The following ZMIZ1 variants were observed in gnomAD, a reference collection of about 807,000 sequenced individuals.
ZMIZ1 encodes the protein zinc finger MIZ domain-containing protein 1.
In ZMIZ1, 17 loss-of-function variants were observed where a neutral mutation model predicts 113.9. That is an observed-to-expected ratio of 0.15 (90% CI 0.10 to 0.22). The LOEUF is 0.22. Among genes scored for constraint, ZMIZ1 ranks in the 10% least tolerant of loss-of-function variants. The pLI, the probability that ZMIZ1 is intolerant of heterozygous loss-of-function variation, is 1.00. For synonymous variants in ZMIZ1, 607 were observed against 603.1 expected (o/e 1.01, Z -0.09); for missense variants, 1,059 against 1,477.8 (o/e 0.72, Z 4.65).
chr10:79,284,576 G>A (rs1852944368), intron 8 of ZMIZ1, among the ~76,000 whole-genome samples: 1 of 152,212 alleles, frequency 6.6e-6, no homozygotes, highest in Non-Finnish European at 1.5e-5. Context: ...GGAGAGAAAG[G>A]TGTAAGTACA....
chr10:79,200,593 G>A (rs1230508590), intron 4 of ZMIZ1, among the ~76,000 whole-genome samples: 1 of 152,214 alleles, frequency 6.6e-6, no homozygotes, highest in Non-Finnish European at 1.5e-5. Context: ...CTGGCAGTCA[G>A]GAACCCTGGC....
At chr10:79,305,291 C>T in intron 20 of ZMIZ1, 60 bp downstream of exon 20, 1 of 1,557,984 alleles carries the variant, frequency 6.4e-7, no homozygotes, top group South Asian at 1.1e-5. Flanking sequence ...ACGGGAGGGG[C>T]CAGCTACCTC....
intron 2 of ZMIZ1, among the ~76,000 whole-genome samples, chr10:79,137,645 G>A (rs1845062937): frequency 6.6e-6 from 1 of 152,190 alleles, no homozygotes; most frequent in African/African-American, 2.4e-5. Flanking sequence ...GACCCAGAAT[G>A]GTCCTTGCCC....
intron 1 of ZMIZ1, among the ~76,000 whole-genome samples, chr10:79,099,082 AC>A: frequency 6.6e-6 from 1 of 152,176 alleles, no homozygotes; most frequent in East Asian, 1.9e-4. Context: ...AGGTCCTGAG[AC>A]CCAGCAAGGC....
In ZMIZ1 at chr10:79,291,083, A is replaced by C; in HGVS notation, c.665A>C (p.Gln222Pro). Residue 222 changes from glutamine (Q) to proline (P), a missense_variant, in exon 10 of 25, where the codon CAG (glutamine) becomes CCG (proline). Gln to Pro is a moderately conservative substitution (Grantham distance 76). Transcript: ENST00000334512. ...CCACAGTTTGCGGGGCAGCAGCAGCAGTTCTCAGCCAAGGCTGGCCCCGCT... is the reference window on the plus strand; with the variant it reads ...CCACAGTTTGCGGGGCAGCAGCAGCCGTTCTCAGCCAAGGCTGGCCCCGCT... ...NSPQFAGQQQ[Q>P]FSAKAGPAQP... is the part of the protein sequence containing the mutation. 2 of 1,614,250 alleles carry C rather than the reference A, an allele frequency of 1.2e-6. No homozygotes were observed. Among genetic ancestry groups the C allele is most frequent in the Non-Finnish European group, 1.7e-6 (2 of 1,180,044 alleles).
At chr10:79,163,169 G>A (rs1013819903) in intron 4 of ZMIZ1, among the ~76,000 whole-genome samples, 4 of 152,336 alleles carry the variant, frequency 2.6e-5, no homozygotes, top group South Asian at 2.1e-4. Flanking sequence ...GGGAGTCTTC[G>A]CCCTGGTGTG....
At chr10:79,092,118 G>C (rs753531205) in intron 1 of ZMIZ1, among the ~76,000 whole-genome samples, 5 of 152,170 alleles carry the variant, frequency 3.3e-5, no homozygotes, top group Non-Finnish European at 7.3e-5. Flanking sequence ...CTGGGTGCAG[G>C]CTTGGTCTGG....
chr10:79,253,423 C>G (rs1336727737), intron 7 of ZMIZ1, among the ~76,000 whole-genome samples: 1 of 152,190 alleles, frequency 6.6e-6, no homozygotes. Flanking sequence ...TTGACACATT[C>G]CAATCCCCTT....
chr10:79,095,540 G>A (rs906983839), intron 1 of ZMIZ1, among the ~76,000 whole-genome samples: 1 of 152,134 alleles, frequency 6.6e-6, no homozygotes, highest in Non-Finnish European at 1.5e-5. Context: ...AGGTCTCTCC[G>A]GTTAGGTAAG....
At chr10:79,172,522 A>G (rs1179438505) in intron 4 of ZMIZ1, among the ~76,000 whole-genome samples, 1 of 152,210 alleles carries the variant, frequency 6.6e-6, no homozygotes, top group African/African-American at 2.4e-5. Flanking sequence ...GACCAGTATC[A>G]TCTCCATTTT....
intron 7 of ZMIZ1, among the ~76,000 whole-genome samples, chr10:79,232,425 C>A (rs2132785988): frequency 6.6e-6 from 1 of 152,210 alleles, no homozygotes; most frequent in Middle Eastern, 3.4e-3. Context: ...CATAATAATT[C>A]ATAGGTATAC....
intron 1 of ZMIZ1, among the ~76,000 whole-genome samples, chr10:79,101,807 C>T (rs1037835486): frequency 6.6e-6 from 1 of 152,166 alleles, no homozygotes; most frequent in African/African-American, 2.4e-5. Flanking sequence ...CACACTGTCC[C>T]CGACCATAAA....
chr10:79,113,563 C>A (rs1039507029), intron 1 of ZMIZ1, among the ~76,000 whole-genome samples: 1 of 152,174 alleles, frequency 6.6e-6, no homozygotes, highest in South Asian at 2.1e-4. Context: ...GTGCCCAGGC[C>A]CCCACCCCAC....
Position 79,136,688 on chromosome 10 carries a change from A to C in ZMIZ1, c.-226-2994A>C, listed in dbSNP as rs535349821. Among the ~76,000 whole-genome samples the C allele has an allele frequency of 4.6e-5, 7 of 152,350 alleles. No homozygotes were observed. The South Asian group carries it at 1.0e-3, about 23-fold the overall frequency. On this transcript the variant is annotated intron_variant, in intron 2 of 24. Coordinates refer to ENST00000334512, the MANE Select transcript of ZMIZ1 (RefSeq NM_020338.4). ...ACCTTCTGTTTCCTCATCTTTAAAA[A>C]TTGGTTATAGTACTGACCTCATAGG...
At chr10:79,277,850 G>C (rs768894287) in intron 8 of ZMIZ1, among the ~76,000 whole-genome samples, 6 of 152,246 alleles carry the variant, frequency 3.9e-5, no homozygotes, top group Non-Finnish European at 7.3e-5. Context: ...GAAGGAGCAC[G>C]TGGCCAGGAC....
At chr10:79,165,745 C>T (rs1047189911) in intron 4 of ZMIZ1, among the ~76,000 whole-genome samples, 2 of 152,066 alleles carry the variant, frequency 1.3e-5, no homozygotes, top group East Asian at 1.9e-4. Context: ...CCCGTGGTCA[C>T]GGGAGGGCAT....
intron 3 of ZMIZ1, among the ~76,000 whole-genome samples, chr10:79,143,521 T>C (rs764037619): frequency 1.3e-5 from 2 of 152,076 alleles, no homozygotes; most frequent in African/African-American, 2.4e-5. Context: ...GGTCAACCAG[T>C]GTTTCCTAAG....
chr10:79,201,468 G>A (rs769257386), intron 4 of ZMIZ1, 116 bp from the exon 5 acceptor site: 115 of 754,210 alleles, frequency 1.5e-4, no homozygotes, highest in Non-Finnish European at 2.3e-4. Flanking sequence ...AGCCCCACAG[G>A]GCCCAGCAAA....
chr10:79,103,774 G>T lies in ZMIZ1; in HGVS notation c.-336-15141G>T, dbSNP rs551349572. ...CTGTGTGGGCGAGTGCTTCCCTGGGGGCCTGGCCTGGGGTTTTGTCCCATT... is the reference window on the plus strand; with the variant it reads ...CTGTGTGGGCGAGTGCTTCCCTGGGTGCCTGGCCTGGGGTTTTGTCCCATT... On this transcript the variant is annotated intron_variant, in intron 1 of 24. Transcript: ENST00000334512. 1.3e-4 allele frequency among the ~76,000 whole-genome samples: 20 copies of T among 152,266 alleles called. No individual in the cohort carries two copies. In the East Asian group the frequency reaches 3.7e-3, roughly 28 times the overall value.
Sources: allele counts gnomAD v4.1 joint callset (sites outside exome capture counted in the v4.1 genomes callset), GRCh38; gene constraint gnomAD v4.1.1; transcripts MANE v1.5; gene names NCBI Gene and HGNC (gene_info 2026-07-23, HGNC 2026-07-21).